Variants in ZSCAN1 observed in about 807,000 individuals in gnomAD.
The protein encoded by ZSCAN1 is zinc finger and SCAN domain containing 1, also known as zinc finger and SCAN domain-containing protein 1.
ZSCAN1 carries 23 observed loss-of-function variants against 23.8 expected under a neutral mutation model. The observed-to-expected ratio is 0.97, with a 90% confidence interval of 0.70 to 1.37. The LOEUF (loss-of-function observed/expected upper bound fraction) is 1.37. ZSCAN1 is among the 40% of genes most tolerant of loss of function. The pLI is 0.00. For synonymous variants in ZSCAN1, 236 were observed against 232.3 expected, an observed-to-expected ratio of 1.02 and a Z score of -0.15; for missense variants, 575 against 554.0, an observed-to-expected ratio of 1.04 and a Z score of -0.38.
rs1025256591 is a variant in ZSCAN1, at chr19:58,040,176, G to A, written c.371-274G>A. Among the ~76,000 whole-genome samples the A allele has an allele frequency of 1.3e-5, 2 of 152,228 alleles. No homozygotes were observed. The highest frequency in any genetic ancestry group is 2.9e-5 in the Non-Finnish European group (2 of 68,028). On this transcript the variant is annotated intron_variant, in intron 3 of 5. Transcript: ENST00000282326. The surrounding 1 kb of genome is among the most constrained non-coding windows in gnomAD (Gnocchi z 5.8). ...GCTCGGGCCTCCCTAGTTAGTCAGT[G>A]CTGCAGTGTGTGTCCTCGTGGGCTT...
intron 3 of ZSCAN1, among the ~76,000 whole-genome samples, chr19:58,039,579 C>A (rs2073769522): frequency 6.6e-6 from 1 of 152,004 alleles, no homozygotes; most frequent in African/African-American, 2.4e-5. Context: ...CTAGCCTGGC[C>A]AACATGGTGA....
chr19:58,044,672 A>G (rs573312831), intron 4 of ZSCAN1: 26 of 805,718 alleles, frequency 3.2e-5, no homozygotes, highest in Non-Finnish European at 4.7e-5. Flanking sequence ...CCCGCGGGGT[A>G]GTCCGGGGGA....
rs758940874 is a variant in ZSCAN1 at position 58,054,081 on chromosome 19, C to T, written c.*30C>T. ...CCAGCCTCGGGCCTCGGCCACCCGG[C>T]CCTGAGTCCCTGGGGGGAGCTGATG... is the stretch of plus-strand genomic sequence containing the variant. On this transcript the variant is annotated 3_prime_UTR_variant, in exon 6 of 6. Transcript: ENST00000282326. This position sits in a 1 kb window ranked among gnomAD's most constrained non-coding sequence, Gnocchi z 4.2. 2.3e-5 allele frequency: 33 copies of T among 1,457,004 alleles called. No homozygotes were observed. The highest frequency in any genetic ancestry group is 3.0e-5 in the Non-Finnish European group (33 of 1,106,282). 90.3% of individuals were successfully genotyped at this position (1,457,004 alleles called of 1,614,324 possible).
At chr19:58,042,966 G>A (rs1283666831) in intron 4 of ZSCAN1, among the ~76,000 whole-genome samples, 4 of 152,262 alleles carry the variant, frequency 2.6e-5, no homozygotes. Context: ...TGGAGGGAGA[G>A]GCCTTAGGCC....
chr19:58,051,756 C>T (rs2073859832), intron 4 of ZSCAN1, among the ~76,000 whole-genome samples: 1 of 152,222 alleles, frequency 6.6e-6, no homozygotes, highest in Non-Finnish European at 1.5e-5. Context: ...TTGCCGAGCC[C>T]TTGATGGTAC....
At chr19:58,051,905 C>G (rs1286641994) in intron 4 of ZSCAN1, among the ~76,000 whole-genome samples, 1 of 152,232 alleles carries the variant, frequency 6.6e-6, no homozygotes, top group East Asian at 1.9e-4. Context: ...TGCTCTTCAA[C>G]CACAGCTCAG....
intron 4 of ZSCAN1, among the ~76,000 whole-genome samples, chr19:58,043,365 G>A (rs938307103): frequency 2.0e-5 from 3 of 152,248 alleles, no homozygotes; most frequent in African/African-American, 7.2e-5. Context: ...ACTGAATACT[G>A]TGGGCAACGG....
intron 4 of ZSCAN1, among the ~76,000 whole-genome samples, chr19:58,050,949 C>G (rs1014283880): frequency 2.6e-5 from 4 of 152,196 alleles, no homozygotes; most frequent in African/African-American, 9.7e-5. Flanking sequence ...GGGTCCACCT[C>G]TGGAAGGATA....
chr19:58,040,643 GTTGTC>G lies in ZSCAN1; in HGVS notation c.465+100_465+104del. The G allele has an allele frequency of 8.3e-7, 1 of 1,211,582 alleles. No individual in the cohort carries two copies. The highest frequency in any genetic ancestry group is 1.2e-6 in the Non-Finnish European group (1 of 839,394). 75.1% of individuals were successfully genotyped at this position (1,211,582 alleles called of 1,614,324 possible). Reference sequence around the variant, plus strand: ...ATGCCCCATCCAAGGACTGTGTGAGGTTGTCCCCAGCGCTCCCAGGAAGCCCGGCC... The same window carrying G: ...ATGCCCCATCCAAGGACTGTGTGAGGCCCAGCGCTCCCAGGAAGCCCGGCC... On this transcript the variant is annotated intron_variant, in intron 4 of 5. Transcript: ENST00000282326. This position sits in a 1 kb window ranked among gnomAD's most constrained non-coding sequence, Gnocchi z 5.8.
downstream of ZSCAN1, among the ~76,000 whole-genome samples, chr19:58,055,133 G>A (rs2073883390): frequency 6.6e-6 from 1 of 152,206 alleles, no homozygotes; most frequent in African/African-American, 2.4e-5. Context: ...TGGAAACACA[G>A]TGTTGGGCTG....
rs116217510 is a variant in ZSCAN1, at chr19:58,047,139, G to A, written c.466-5351G>A. 2.4e-3 allele frequency among the ~76,000 whole-genome samples: 372 copies of A among 152,330 alleles called. 3 individuals carry two copies. The highest frequency in any genetic ancestry group is 8.4e-3 in the African/African-American group (349 of 41,568). ...GGACCACATGGACTCTGCCCACACG[G>A]AGCTGGCTGCTACGCCCACCCTCAG... On this transcript the variant is annotated intron_variant, in intron 4 of 5. Transcript: ENST00000282326. The surrounding 1 kb of genome is among the most constrained non-coding windows in gnomAD (Gnocchi z 4.9).
intron 3 of ZSCAN1, among the ~76,000 whole-genome samples, chr19:58,039,022 G>A (rs2073764848): frequency 6.6e-6 from 1 of 152,226 alleles, no homozygotes; most frequent in Non-Finnish European, 1.5e-5. Context: ...GCAAGGGAGA[G>A]GAACAGGCCC....
chr19:58,052,735 C>A, intron 5 of ZSCAN1, 107 bp downstream of exon 5: 1 of 1,435,212 alleles, frequency 7.0e-7, no homozygotes. Context: ...CGGTGGTGAA[C>A]TCCACACTTC....
rs1170473359 is a variant in ZSCAN1 at position 58,047,879 on chromosome 19, G to C, written c.466-4611G>C. Among the ~76,000 whole-genome samples the C allele has an allele frequency of 6.6e-6, 1 of 152,226 alleles. No homozygotes were observed. Among genetic ancestry groups the C allele is most frequent in the Non-Finnish European group, 1.5e-5 (1 of 68,038 alleles). On this transcript the variant is annotated intron_variant, in intron 4 of 5. Transcript: ENST00000282326. This position sits in a 1 kb window ranked among gnomAD's most constrained non-coding sequence, Gnocchi z 4.9. ...TCCCTGCACTCGGCAGCATGGTCGG[G>C]CTGGCGAGGGCGTGGGCAGGCAGTG...
chr19:58,045,368 G>T lies in ZSCAN1; in HGVS notation c.465+4824G>T, dbSNP rs1224459101. ...TTCAGGTCAAGCTGGAGCTAGCCGA[G>T]TTCCTCCAGGACACCATCCAGGAGA... On this transcript the variant is annotated intron_variant, in intron 4 of 5. Coordinates refer to ENST00000282326, the MANE Select transcript of ZSCAN1 (RefSeq NM_182572.4). This position sits in a 1 kb window ranked among gnomAD's most constrained non-coding sequence, Gnocchi z 4.3. 1 of 837,382 alleles carries T rather than the reference G, an allele frequency of 1.2e-6. No individual in the cohort carries two copies. The highest frequency in any genetic ancestry group is 2.1e-6 in the Non-Finnish European group (1 of 470,124). 51.9% of individuals were successfully genotyped at this position (837,382 alleles called of 1,614,324 possible).
At chr19:58,039,932 C>T in intron 3 of ZSCAN1, among the ~76,000 whole-genome samples, 1 of 152,050 alleles carries the variant, frequency 6.6e-6, no homozygotes, top group Non-Finnish European at 1.5e-5. Flanking sequence ...GGGGGTCTTG[C>T]TGTGTTGCCC....
intron 4 of ZSCAN1, chr19:58,046,778 G>T: frequency 1.3e-6 from 1 of 756,556 alleles, no homozygotes; most frequent in Non-Finnish European, 2.4e-6. Flanking sequence ...AGAGCCACTG[G>T]CGTGGGCACC....
chr19:58,046,914 T>A, intron 4 of ZSCAN1: 2 of 515,962 alleles, frequency 3.9e-6, no homozygotes, highest in South Asian at 3.8e-5. Context: ...AACTGTAATT[T>A]TCATCATTCC....
chr19:58,044,927 T>A (rs979795225), intron 4 of ZSCAN1: 12 of 913,790 alleles, frequency 1.3e-5, no homozygotes, highest in Middle Eastern at 2.2e-4. Context: ...TCGCGCCCTG[T>A]TGGTGATGAC....
Sources: gnomAD v4.1 joint callset for allele counts (sites outside exome capture counted in the v4.1 genomes callset) on GRCh38, gnomAD v4.1.1 for gene constraint, Gnocchi (gnomAD v3.1) non-coding constraint, MANE v1.5 for transcripts, NCBI Gene and HGNC (gene_info 2026-07-23, HGNC 2026-07-21) for gene names.